The following COPS3 variants were observed in gnomAD, a reference collection of about 807,000 sequenced individuals.
COPS3 encodes COP9 signalosome subunit 3, also known as COP9 signalosome complex subunit 3.
Under a neutral mutation model 58.2 loss-of-function variants are expected in COPS3, and 10 were observed. The observed-to-expected ratio is 0.17, with a 90% CI of 0.11 to 0.29. The LOEUF is 0.29. Among genes scored for constraint, COPS3 ranks in the 10% least tolerant of loss-of-function variants. COPS3 has a pLI of 1.00. For missense variants in COPS3, 333 were observed against 510.1 expected, an observed-to-expected ratio of 0.65 and a Z score of 3.34; for synonymous variants, 187 against 181.7, an observed-to-expected ratio of 1.03 and a Z score of -0.24.
Position 17,269,244 on chromosome 17 carries a change from G to A in COPS3, c.349-1267C>T, listed in dbSNP as rs568552861. 5.9e-5 allele frequency among the ~76,000 whole-genome samples: 9 copies of A among 152,268 alleles called. No homozygotes were observed. The East Asian group carries it at 1.7e-3, about 29-fold the overall frequency. The stretch of plus-strand genomic sequence containing the variant: ...GTTTGACACCAGCCTGGCAAACATG[G>A]TGAAACCCTGTCTCTACTAAAAATA... On this transcript the variant is annotated intron_variant, in intron 4 of 11. Transcript: ENST00000268717.
Position 17,249,049 on chromosome 17 carries a change from GAAAA to G in COPS3, c.1024-14_1024-11del. On this transcript the variant is annotated splice_polypyrimidine_tract_variant and intron_variant, in intron 9 of 11. Transcript: ENST00000268717. ...TCTCACCATCTTCTATCTGCAGAAA[GAAAA>G]AAAAAAAAATCAGGAAAGCAGTTTA... 3 of 1,205,290 alleles carry G rather than the reference GAAAA, an allele frequency of 2.5e-6. No individual in the cohort carries two copies. The highest frequency in any genetic ancestry group is 2.3e-6 in the Non-Finnish European group (2 of 868,928). The allele number at this position is 1,205,290 out of a possible 1,614,324, so 74.7% of individuals were successfully genotyped here.
intron 1 of COPS3, among the ~76,000 whole-genome samples, chr17:17,279,015 C>T (rs1407814139): frequency 6.6e-6 from 1 of 151,302 alleles, no homozygotes; most frequent in Non-Finnish European, 1.5e-5. Context: ...GCTGAGATTA[C>T]AGGCGCCCGC....
intron 8 of COPS3, among the ~76,000 whole-genome samples, chr17:17,258,552 T>G (rs1202809543): frequency 6.6e-6 from 1 of 152,224 alleles, no homozygotes; most frequent in Non-Finnish European, 1.5e-5. Flanking sequence ...TTTGTTAGCA[T>G]TTGGGTTCTT....
chr17:17,247,640 G>T, intron 10 of COPS3, 80 bp from the exon 11 acceptor site: 1 of 1,354,046 alleles, frequency 7.4e-7, no homozygotes, highest in Non-Finnish European at 1.0e-6. Context: ...CTGTTCACAA[G>T]GGTGCTATAG....
chr17:17,267,349 T>C (rs1289284442), intron 5 of COPS3, among the ~76,000 whole-genome samples: 1 of 120,908 alleles, frequency 8.3e-6, no homozygotes, highest in Admixed American at 8.9e-5. Context: ...AAAAAAAAAG[T>C]TACAACTAGG....
chr17:17,263,510 C>CTGTTT (rs1342376041), intron 6 of COPS3, among the ~76,000 whole-genome samples: 1 of 98,872 alleles, frequency 1.0e-5, no homozygotes, highest in African/African-American at 4.1e-5. Context: ...CTTGCCTTTT[C>CTGTTT]TTTTTTTTTT....
In COPS3 at chr17:17,258,191, T is replaced by A. The variant is rs192177169; in HGVS notation, c.936+2110A>T. Among the ~76,000 whole-genome samples the A allele has an allele frequency of 9.8e-5, 15 of 152,296 alleles. No homozygotes were observed. In the East Asian group the frequency reaches 2.5e-3, roughly 25 times the overall value. Reference sequence around the variant, plus strand: ...TGCTTGTGAGCTCAGTGTACCACAATCCACCACTTCGTGTCAACATACGAA... The same window carrying A: ...TGCTTGTGAGCTCAGTGTACCACAAACCACCACTTCGTGTCAACATACGAA... On this transcript the variant is annotated intron_variant, in intron 8 of 11. Coordinates refer to ENST00000268717, the MANE Select transcript of COPS3 (RefSeq NM_003653.4).
chr17:17,275,928 C>T (rs762076448), intron 2 of COPS3, 107 bp downstream of exon 2: 10 of 1,123,716 alleles, frequency 8.9e-6, no homozygotes, highest in East Asian at 5.8e-5. Context: ...GGTGACAGAG[C>T]GAAACTCCAT....
chr17:17,272,484 T>C (rs2048374502), intron 2 of COPS3, among the ~76,000 whole-genome samples: 2 of 152,188 alleles, frequency 1.3e-5, no homozygotes. Flanking sequence ...AATGGCCATC[T>C]CAATTGTGGG....
intron 8 of COPS3, among the ~76,000 whole-genome samples, chr17:17,255,219 G>A (rs1284521910): frequency 6.6e-6 from 1 of 151,962 alleles, no homozygotes; most frequent in Non-Finnish European, 1.5e-5. Flanking sequence ...AGAATCGCTT[G>A]AACCCAGGAG....
At chr17:17,270,082 G>T (rs886658440) in intron 4 of COPS3, among the ~76,000 whole-genome samples, 1 of 152,004 alleles carries the variant, frequency 6.6e-6, no homozygotes, top group African/African-American at 2.4e-5. Flanking sequence ...GCTTGAACCT[G>T]GGAGGTGGAG....
chr17:17,277,490 T>G (rs143877968), intron 1 of COPS3, among the ~76,000 whole-genome samples: 238 of 152,328 alleles, frequency 1.6e-3, no homozygotes, highest in African/African-American at 5.3e-3. Context: ...TGATCACAGC[T>G]CAACGCAGCC....
rs2048453811 is a variant in COPS3 at position 17,276,027 on chromosome 17, C to T, written c.185+8G>A. ...AAGCACAGAACTATAAAAGAAGATG[C>T]TCCTTACAAAACAGCAAGGACGCCC... On this transcript the variant is annotated splice_region_variant and intron_variant, in intron 2 of 11. Coordinates refer to ENST00000268717, the MANE Select transcript of COPS3 (RefSeq NM_003653.4). The T allele has an allele frequency of 4.3e-6, 7 of 1,611,628 alleles. No individual in the cohort carries two copies. Among genetic ancestry groups the T allele is most frequent in the Admixed American group, 3.3e-5 (2 of 59,922 alleles).
Position 17,268,064 on chromosome 17 carries a change from C to T in COPS3, c.349-87G>A, listed in dbSNP as rs1008327839. ...GTTGTCACTTATAAATAAAAAATAACACTAATTGATAGGTTCCTTTAAATA... is the reference window on the plus strand; with the variant it reads ...GTTGTCACTTATAAATAAAAAATAATACTAATTGATAGGTTCCTTTAAATA... On this transcript the variant is annotated intron_variant, in intron 4 of 11. Coordinates refer to ENST00000268717, the MANE Select transcript of COPS3 (RefSeq NM_003653.4). 7 of 1,495,088 alleles carry T rather than the reference C, an allele frequency of 4.7e-6. No individual in the cohort carries two copies. In the African/African-American group the frequency reaches 9.7e-5, roughly 21 times the overall value. 92.6% of individuals were successfully genotyped at this position (1,495,088 alleles called of 1,614,324 possible).
At chr17:17,258,299 C>A (rs576297014) in intron 8 of COPS3, among the ~76,000 whole-genome samples, 10 of 151,704 alleles carry the variant, frequency 6.6e-5, no homozygotes, top group South Asian at 4.2e-4. Context: ...CCTGTTTGAT[C>A]AAAAAAAAAT....
intron 4 of COPS3, among the ~76,000 whole-genome samples, chr17:17,269,675 CTG>C (rs2048303807): frequency 6.6e-6 from 1 of 152,144 alleles, no homozygotes; most frequent in Non-Finnish European, 1.5e-5. Flanking sequence ...AATGAAATAA[CTG>C]TTCAGATTAA....
chr17:17,247,137 T>C lies in COPS3; in HGVS notation c.1233A>G (p.Gln411=). Residue 411 remains glutamine, a synonymous_variant, in exon 12 of 12, where the codon CAA becomes CAG. Transcript: ENST00000268717. The part of the protein sequence containing the change: ...PQFVQKSMGS[Q]EDDSGNKPSS... ...ATGGTTTGTTTCCTGAATCATCTTC[T>C]TGTGAGCCCATACTCTGTAAAGGTA... is the stretch of plus-strand genomic sequence containing the variant. The C allele has an allele frequency of 6.2e-7, 1 of 1,613,944 alleles. No individual in the cohort carries two copies. Among genetic ancestry groups the C allele is most frequent in the African/African-American group, 1.3e-5 (1 of 75,042 alleles).
chr17:17,252,257 CAAAA>C (rs906465737), intron 9 of COPS3, among the ~76,000 whole-genome samples: 1 of 151,060 alleles, frequency 6.6e-6, no homozygotes, highest in East Asian at 1.9e-4. Flanking sequence ...AACAAACAAA[CAAAA>C]AAAAACCCTG....
chr17:17,255,010 T>G (rs2047935992), intron 8 of COPS3, 65 bp from the exon 9 acceptor site: 3 of 1,207,860 alleles, frequency 2.5e-6, no homozygotes, highest in Non-Finnish European at 3.7e-6. Context: ...TTATTAAATG[T>G]GTACAGAGCG....
Sources: allele counts gnomAD v4.1 joint callset (sites outside exome capture counted in the v4.1 genomes callset), GRCh38; gene constraint gnomAD v4.1.1; transcripts MANE v1.5; gene names NCBI Gene and HGNC (gene_info 2026-07-23, HGNC 2026-07-21).